Variants in AGTR1 observed in about 807,000 individuals in gnomAD.
The protein encoded by AGTR1 is type-1 angiotensin II receptor.
Under a neutral mutation model 19.4 loss-of-function variants are expected in AGTR1, and 16 were observed. The ratio of observed to expected loss-of-function variants is 0.82; its 90% CI spans 0.56 to 1.25. The LOEUF is 1.25. AGTR1 is among the 50% of genes most tolerant of loss of function. The pLI is 0.00. For synonymous variants in AGTR1, 153 were observed against 154.9 expected (o/e 0.99, Z 0.09); for missense variants, 373 against 431.9 (o/e 0.86, Z 1.21).
At chr3:148,701,705 G>C (rs998100666) in intron 1 of AGTR1, among the ~76,000 whole-genome samples, 2 of 152,056 alleles carry the variant, frequency 1.3e-5, no homozygotes, top group African/African-American at 4.8e-5. Context: ...TGGAAAATGG[G>C]TAAAAAATGA....
rs149901346 is a variant in AGTR1, at chr3:148,700,044, C to T, written c.-132+1917C>T. 3.9e-5 allele frequency among the ~76,000 whole-genome samples: 6 copies of T among 152,308 alleles called. No homozygotes were observed. In the East Asian group the frequency reaches 1.2e-3, roughly 29 times the overall value. ...TGCTGCTGTCCCACAGCATTCTAAG[C>T]TTCAGTCTTTCTCTCTCTTATCGTG... is the stretch of plus-strand genomic sequence containing the variant. On this transcript the variant is annotated intron_variant, in intron 1 of 2. Transcript: ENST00000349243.
chr3:148,700,266 CT>C (rs1199000096), intron 1 of AGTR1, among the ~76,000 whole-genome samples: 3 of 152,036 alleles, frequency 2.0e-5, no homozygotes, highest in African/African-American at 7.3e-5. Context: ...TAATTTTCCC[CT>C]ATGCTAGAGG....
intron 2 of AGTR1, among the ~76,000 whole-genome samples, chr3:148,711,382 GA>G (rs1712975958): frequency 6.6e-6 from 1 of 152,088 alleles, no homozygotes; most frequent in Admixed American, 6.6e-5. Context: ...AACTAGCTGT[GA>G]AAAAGGGATA....
At chr3:148,721,659 G>A (rs1469020421) in intron 2 of AGTR1, among the ~76,000 whole-genome samples, 2 of 152,150 alleles carry the variant, frequency 1.3e-5, no homozygotes. Flanking sequence ...CAGAACTCGA[G>A]GTCCTCTCTG....
rs1189751208 is a variant in AGTR1 at position 148,741,346 on chromosome 3, C to T, written c.311C>T (p.Ala104Val). ...WPFGNYLCKI[A>V]SASVSFNLYA... ...TTTGGCAATTACCTATGTAAGATTG[C>T]TTCAGCCAGCGTCAGTTTCAACCTG... The change falls in exon 3 of 3, where the codon GCT (alanine) becomes GTT (valine). Residue 104 changes from alanine (A) to valine (V), a missense_variant. Physicochemically the swap from Ala to Val is moderately conservative, Grantham distance 64. Transcript: ENST00000349243. 3 of 1,606,672 alleles carry T rather than the reference C, an allele frequency of 1.9e-6. No homozygotes were observed. The highest frequency in any genetic ancestry group is 1.3e-5 in the African/African-American group (1 of 74,908).
chr3:148,702,506 TAG>T (rs1420066814), intron 1 of AGTR1, among the ~76,000 whole-genome samples: 2 of 152,126 alleles, frequency 1.3e-5, no homozygotes, highest in Non-Finnish European at 2.9e-5. Context: ...GTCTTTGCCG[TAG>T]AGAGATAGTA....
At chr3:148,717,244 G>T (rs182068280) in intron 2 of AGTR1, among the ~76,000 whole-genome samples, 1 of 152,094 alleles carries the variant, frequency 6.6e-6, no homozygotes, top group South Asian at 2.1e-4. Context: ...ACACTTACTG[G>T]TGTCAGGCAC....
chr3:148,742,037 G>A lies in AGTR1; in HGVS notation c.1002G>A (p.Met334Ile), dbSNP rs778954862. Residue 334 changes from methionine (M) to isoleucine (I), a missense_variant, in exon 3 of 3, where the codon ATG (methionine) becomes ATA (isoleucine). By Grantham distance (10) the Met-to-Ile change is conservative. Transcript: ENST00000349243. ...CCCACTCAAACCTTTCAACAAAAAT[G>A]AGCACGCTTTCCTACCGCCCCTCAG... ...AKSHSNLSTK[M>I]STLSYRPSDN... The A allele has an allele frequency of 7.4e-6, 12 of 1,613,668 alleles. No homozygotes were observed. Among genetic ancestry groups the A allele is most frequent in the East Asian group, 2.2e-5 (1 of 44,878 alleles).
intron 2 of AGTR1, among the ~76,000 whole-genome samples, chr3:148,729,046 G>C (rs1421692667): frequency 6.6e-6 from 1 of 152,224 alleles, no homozygotes; most frequent in Non-Finnish European, 1.5e-5. Flanking sequence ...GGAAGAACCA[G>C]AGGAGAGTTT....
chr3:148,736,766 A>C (rs3772609), intron 2 of AGTR1, among the ~76,000 whole-genome samples: 7,292 of 152,302 alleles, frequency 0.048, 186 homozygotes, highest in African/African-American at 0.061. Flanking sequence ...TCTAAGGGGA[A>C]ATGGTGCTAT....
chr3:148,700,827 C>T (rs1360352386), intron 1 of AGTR1, among the ~76,000 whole-genome samples: 2 of 152,170 alleles, frequency 1.3e-5, no homozygotes, highest in African/African-American at 4.8e-5. Flanking sequence ...TTGGAAAATG[C>T]TATTAGTTTC....
At chr3:148,720,110 C>T (rs1458081533) in intron 2 of AGTR1, among the ~76,000 whole-genome samples, 1 of 152,124 alleles carries the variant, frequency 6.6e-6, no homozygotes, top group African/African-American at 2.4e-5. Flanking sequence ...TCTCTCTAAC[C>T]ACTTGAAGCT....
chr3:148,735,077 G>T (rs1029416110), intron 2 of AGTR1, among the ~76,000 whole-genome samples: 1 of 152,090 alleles, frequency 6.6e-6, no homozygotes, highest in African/African-American at 2.4e-5. Context: ...CTGAGATAAA[G>T]TTCCAGTGAC....
chr3:148,730,128 C>G (rs574323654), intron 2 of AGTR1: 1 of 397,832 alleles, frequency 2.5e-6, no homozygotes, highest in African/African-American at 2.1e-5. Context: ...CACATGCTTG[C>G]TACTTCATCA....
intron 1 of AGTR1, among the ~76,000 whole-genome samples, chr3:148,707,726 A>C (rs1450341521): frequency 6.6e-6 from 1 of 152,132 alleles, no homozygotes; most frequent in Non-Finnish European, 1.5e-5. Context: ...GCATTGGGGA[A>C]GATGTTGACC....
At chr3:148,739,301 G>A (rs922702940) in intron 2 of AGTR1, among the ~76,000 whole-genome samples, 1 of 151,680 alleles carries the variant, frequency 6.6e-6, no homozygotes, top group East Asian at 1.9e-4. Flanking sequence ...AGAGATCGCA[G>A]TGAGCCAAGA....
intron 1 of AGTR1, among the ~76,000 whole-genome samples, chr3:148,699,097 A>G (rs1172611654): frequency 6.6e-6 from 1 of 151,808 alleles, no homozygotes; most frequent in Non-Finnish European, 1.5e-5. Flanking sequence ...CCCCCCCTTC[A>G]GGAGCCCTCT....
intron 1 of AGTR1, among the ~76,000 whole-genome samples, chr3:148,699,789 C>T (rs1171415046): frequency 6.6e-6 from 1 of 151,984 alleles, no homozygotes; most frequent in African/African-American, 2.4e-5. Context: ...AGTCTGTTAC[C>T]CACTCTCTCT....
At chr3:148,700,755 A>G (rs774211459) in intron 1 of AGTR1, among the ~76,000 whole-genome samples, 3 of 152,248 alleles carry the variant, frequency 2.0e-5, no homozygotes, top group Non-Finnish European at 4.4e-5. Flanking sequence ...AGCCCAGCTT[A>G]GGAACACTTT....
Sources: allele counts gnomAD v4.1 joint callset (sites outside exome capture counted in the v4.1 genomes callset), GRCh38; gene constraint gnomAD v4.1.1; transcripts MANE v1.5; gene names NCBI Gene and HGNC (gene_info 2026-07-23, HGNC 2026-07-21).